Variants in METTL25 observed in about 807,000 individuals in gnomAD.
The protein encoded by METTL25 is methyltransferase like 25.
A neutral mutation model predicts 71.6 loss-of-function variants in METTL25; 64 were observed. The ratio of observed to expected loss-of-function variants is 0.89; its 90% CI spans 0.73 to 1.10. The LOEUF (loss-of-function observed/expected upper bound fraction) is 1.10, where lower values mean the gene tolerates loss of function less well. METTL25 is among the 50% of genes least tolerant of loss of function. The pLI is 0.00. For missense variants in METTL25, 807 were observed against 707.0 expected, an observed-to-expected ratio of 1.14 and a Z score of -1.60; for synonymous variants, 287 against 250.3, an observed-to-expected ratio of 1.15 and a Z score of -1.38.
chr12:82,377,315 A>G (rs1364324724), intron 1 of METTL25, among the ~76,000 whole-genome samples: 1 of 152,210 alleles, frequency 6.6e-6, no homozygotes, highest in Non-Finnish European at 1.5e-5. Context: ...AAAGACAATA[A>G]GCTTGCCTTT....
In METTL25 at chr12:82,380,393, C is replaced by A. The variant is rs547266485; in HGVS notation, c.260-6410C>A. Among the ~76,000 whole-genome samples, 297 of 151,322 alleles carry A rather than the reference C, an allele frequency of 2.0e-3. 1 individual carries two copies. Among genetic ancestry groups the A allele is most frequent in the African/African-American group, 7.0e-3 (288 of 41,244 alleles). On this transcript the variant is annotated intron_variant, in intron 1 of 11. Transcript: ENST00000248306. Reference sequence around the variant, plus strand: ...AAAGTTTACCTATGTAACAAACCTGCACATGCATCCCGACCTTAAAAGTTT... The same window carrying A: ...AAAGTTTACCTATGTAACAAACCTGAACATGCATCCCGACCTTAAAAGTTT...
At chr12:82,403,916 A>G (rs1318123732) in intron 5 of METTL25, among the ~76,000 whole-genome samples, 2 of 152,112 alleles carry the variant, frequency 1.3e-5, no homozygotes, top group African/African-American at 4.8e-5. Flanking sequence ...AGAGTTTTAG[A>G]TCGGGAATTT....
chr12:82,362,955 G>C (rs1342510356), intron 1 of METTL25, among the ~76,000 whole-genome samples: 1 of 152,182 alleles, frequency 6.6e-6, no homozygotes, highest in Non-Finnish European at 1.5e-5. Context: ...GTGATTGATT[G>C]GGTAGGAAGT....
intron 6 of METTL25, among the ~76,000 whole-genome samples, chr12:82,432,996 A>C (rs555904858): frequency 6.6e-6 from 1 of 151,786 alleles, no homozygotes; most frequent in South Asian, 2.1e-4. Context: ...GTTAAGCCTG[A>C]TAAAACTTCT....
At chr12:82,361,510 T>C (rs1240510976) in intron 1 of METTL25, among the ~76,000 whole-genome samples, 1 of 151,804 alleles carries the variant, frequency 6.6e-6, no homozygotes, top group African/African-American at 2.4e-5. Context: ...GAGCCCACGG[T>C]GGGGGGGAGG....
At chr12:82,473,498 C>G (rs1892686728) in intron 9 of METTL25, among the ~76,000 whole-genome samples, 1 of 152,114 alleles carries the variant, frequency 6.6e-6, no homozygotes, top group South Asian at 2.1e-4. Flanking sequence ...AGCTATTTCT[C>G]AGGCCTGTGT....
intron 3 of METTL25, among the ~76,000 whole-genome samples, chr12:82,394,847 G>T (rs775897357): frequency 6.6e-6 from 1 of 151,824 alleles, no homozygotes; most frequent in East Asian, 1.9e-4. Context: ...TAAAACCTTC[G>T]GGAGGTAAGC....
At chr12:82,473,072 T>A (rs1290972721) in intron 9 of METTL25, among the ~76,000 whole-genome samples, 4 of 152,064 alleles carry the variant, frequency 2.6e-5, no homozygotes. Context: ...ACATAGATTC[T>A]TCAGATGCAG....
chr12:82,478,068 A>T (rs1165345515), intron 11 of METTL25, among the ~76,000 whole-genome samples: 1 of 151,836 alleles, frequency 6.6e-6, no homozygotes, highest in Non-Finnish European at 1.5e-5. Flanking sequence ...GCTTTGTTCT[A>T]ATTTGTATTT....
chr12:82,462,735 C>T (rs903408360), intron 9 of METTL25, among the ~76,000 whole-genome samples: 6 of 151,980 alleles, frequency 3.9e-5, no homozygotes, highest in Admixed American at 3.3e-4. Flanking sequence ...TACAGTCGTT[C>T]CTTGCTATCC....
chr12:82,386,806 T>G lies in METTL25; in HGVS notation c.263T>G (p.Met88Arg). 6.2e-7 allele frequency: 1 copy of G among 1,612,552 alleles called. No individual in the cohort carries two copies. Residue 88 changes from methionine (M) to arginine (R), a missense_variant, in exon 2 of 12, where the codon ATG becomes AGG. Physicochemically the swap from Met to Arg is moderately conservative, Grantham distance 91. Coordinates refer to ENST00000248306, the MANE Select transcript of METTL25 (RefSeq NM_032230.3). ...PLVEAEWEAG[M>R]TDFPKIFCET... ...TTTTCTGTCTTCACTTTTTTAGGTA[T>G]GACTGATTTTCCCAAAATATTTTGT...
At chr12:82,467,626 T>C (rs1203590773) in intron 9 of METTL25, among the ~76,000 whole-genome samples, 1 of 152,144 alleles carries the variant, frequency 6.6e-6, no homozygotes, top group Non-Finnish European at 1.5e-5. Flanking sequence ...TCCTGTCCTA[T>C]AAGCTTTCTG....
At chr12:82,474,569 A>G (rs1410457307) in intron 9 of METTL25, 1 of 152,052 alleles carries the variant, frequency 6.6e-6, no homozygotes, top group Non-Finnish European at 1.5e-5. Flanking sequence ...CCAGCTGTAT[A>G]CTTCTTATGC....
chr12:82,371,493 C>T (rs1883227277), intron 1 of METTL25, among the ~76,000 whole-genome samples: 1 of 152,194 alleles, frequency 6.6e-6, no homozygotes, highest in Non-Finnish European at 1.5e-5. Context: ...TTGGCCTGCT[C>T]CATTTTCTGT....
At chr12:82,365,885 C>T (rs572509972) in intron 1 of METTL25, among the ~76,000 whole-genome samples, 1 of 152,184 alleles carries the variant, frequency 6.6e-6, no homozygotes, top group African/African-American at 2.4e-5. Flanking sequence ...GATCGACACC[C>T]TCCTGGCTAA....
chr12:82,435,471 A>G (rs1038329656), intron 7 of METTL25, among the ~76,000 whole-genome samples: 2 of 151,494 alleles, frequency 1.3e-5, no homozygotes, highest in African/African-American at 2.4e-5. Context: ...TTTTTAATAT[A>G]TACACTGTGC....
intron 5 of METTL25, among the ~76,000 whole-genome samples, chr12:82,412,378 A>G (rs1887618063): frequency 6.6e-6 from 1 of 152,098 alleles, no homozygotes; most frequent in African/African-American, 2.4e-5. Context: ...TAAATGTTTA[A>G]TGGTTGGCTC....
chr12:82,468,201 C>T (rs1241767757), intron 9 of METTL25, among the ~76,000 whole-genome samples: 1 of 152,002 alleles, frequency 6.6e-6, no homozygotes, highest in African/African-American at 2.4e-5. Context: ...TAATAATCTC[C>T]CTATAATCTC....
At chr12:82,387,180 A>G (rs1436930294) in intron 2 of METTL25, among the ~76,000 whole-genome samples, 1 of 152,050 alleles carries the variant, frequency 6.6e-6, no homozygotes. Context: ...TTTTCTTGTA[A>G]CTTCTTGTAA....
Sources: gnomAD v4.1 joint callset for allele counts (sites outside exome capture counted in the v4.1 genomes callset) on GRCh38, gnomAD v4.1.1 for gene constraint, MANE v1.5 for transcripts, NCBI Gene and HGNC (gene_info 2026-07-23, HGNC 2026-07-21) for gene names.